ZNF362: variants seen among roughly 807,000 people sequenced by gnomAD.
ZNF362 encodes zinc finger protein 362.
In ZNF362, 11 loss-of-function variants were observed where a neutral mutation model predicts 42.9. The ratio of observed to expected loss-of-function variants is 0.26; its 90% confidence interval spans 0.16 to 0.42. The LOEUF is 0.42. Among genes scored for constraint, ZNF362 ranks in the 20% least tolerant of loss-of-function variants. The probability of loss-of-function intolerance (pLI) is 1.00; values close to 1 mark genes in which losing one functional copy is unlikely to be tolerated. For missense variants in ZNF362, 362 were observed against 576.2 expected, an observed-to-expected ratio of 0.63 and a Z score of 3.81; for synonymous variants, 255 against 257.3, an observed-to-expected ratio of 0.99 and a Z score of 0.09.
chr1:33,276,000 C>T, intron 2 of ZNF362, 100 bp from the exon 3 acceptor site: 4 of 1,367,566 alleles, frequency 2.9e-6, no homozygotes, highest in Non-Finnish European at 4.1e-6. Flanking sequence ...GACATGGATC[C>T]CAGACACTGG....
the ZNF362 span, among the ~76,000 whole-genome samples, chr1:33,189,573 A>G: frequency 6.9e-6 from 1 of 144,794 alleles, no homozygotes; most frequent in African/African-American, 2.5e-5. Context: ...TAGCGCCGCA[A>G]CCACACTTCT....
the ZNF362 span, chr1:33,158,407 G>A: frequency 2.1e-5 from 34 of 1,584,512 alleles, no homozygotes; most frequent in Middle Eastern, 1.7e-4. Flanking sequence ...ACCAGGGACT[G>A]GATTCCTGCC....
the ZNF362 span, among the ~76,000 whole-genome samples, chr1:33,155,113 C>T: frequency 1.4e-5 from 2 of 145,094 alleles, no homozygotes; most frequent in East Asian, 2.2e-4. Context: ...GCTCTGTCGC[C>T]CAGGCTGTAG....
chr1:33,255,884 G>A (rs1012683794), upstream of ZNF362, among the ~76,000 whole-genome samples: 1 of 152,012 alleles, frequency 6.6e-6, no homozygotes, highest in African/African-American at 2.4e-5. Flanking sequence ...GGGCAGCCTG[G>A]CACCGCGCGG....
the ZNF362 span, among the ~76,000 whole-genome samples, chr1:33,189,776 T>A: frequency 1.3e-5 from 2 of 148,158 alleles, no homozygotes; most frequent in African/African-American, 5.0e-5. Flanking sequence ...CTGCTTTGGG[T>A]GACCCTCACC....
chr1:33,273,384 G>A (rs915633119), intron 2 of ZNF362, among the ~76,000 whole-genome samples: 15 of 152,246 alleles, frequency 9.9e-5, no homozygotes, highest in African/African-American at 3.4e-4. Flanking sequence ...TGCCTGACCA[G>A]GGGTCTGATA....
At chr1:33,175,682 G>T in the ZNF362 span, among the ~76,000 whole-genome samples, 66 of 152,260 alleles carry the variant, frequency 4.3e-4, no homozygotes, top group East Asian at 7.5e-3. Flanking sequence ...ATCTTGGGAA[G>T]GTTACTGAAT....
the ZNF362 span, among the ~76,000 whole-genome samples, chr1:33,218,613 A>G: frequency 6.6e-6 from 1 of 152,116 alleles, no homozygotes; most frequent in Non-Finnish European, 1.5e-5. Flanking sequence ...TTATTTGGTT[A>G]TTAGTGAAAT....
chr1:33,215,448 C>T, the ZNF362 span, among the ~76,000 whole-genome samples: 38 of 152,118 alleles, frequency 2.5e-4, no homozygotes, highest in African/African-American at 8.4e-4. Flanking sequence ...TATTTGATAG[C>T]ACAACAGAGT....
rs369076583 is a variant in ZNF362 at position 33,280,333 on chromosome 1, C to A, written c.559C>A (p.Pro187Thr). Residue 187 changes from proline (P) to threonine (T), a missense_variant, in exon 5 of 9, where the codon CCC (proline) becomes ACC (threonine). Physicochemically the swap from Pro to Thr is conservative, Grantham distance 38. Coordinates refer to ENST00000539719, the MANE Select transcript of ZNF362 (RefSeq NM_152493.3). The surrounding 1 kb of genome is among the most constrained non-coding windows in gnomAD (Gnocchi z 5.6). ...AATCCAGGGCCACGGCCTGCTTGGC[C>A]CCCCCAAGTCCGAACGCGGCCGCAA... ...KTIQGHGLLGPPKSERGRKKI... is the reference protein window; with the variant it reads ...KTIQGHGLLGTPKSERGRKKI... 1.5e-5 allele frequency: 25 copies of A among 1,613,932 alleles called. No individual in the cohort carries two copies. The highest frequency in any genetic ancestry group is 4.0e-5 in the African/African-American group (3 of 74,922).
the ZNF362 span, among the ~76,000 whole-genome samples, chr1:33,247,614 A>C: frequency 6.6e-6 from 1 of 152,242 alleles, no homozygotes; most frequent in Non-Finnish European, 1.5e-5. Flanking sequence ...TTATTTAATT[A>C]CTGCAAATGG....
At chr1:33,231,522 C>A in the ZNF362 span, among the ~76,000 whole-genome samples, 7 of 152,138 alleles carry the variant, frequency 4.6e-5, no homozygotes, top group Non-Finnish European at 8.8e-5. Flanking sequence ...AATCCACAGT[C>A]CCCGATCTCC....
chr1:33,214,398 G>A, the ZNF362 span, among the ~76,000 whole-genome samples: 2 of 152,158 alleles, frequency 1.3e-5, no homozygotes, highest in African/African-American at 4.8e-5. Flanking sequence ...ACTACTAAAA[G>A]GAAACATTGG....
chr1:33,215,898 A>G, the ZNF362 span, among the ~76,000 whole-genome samples: 1,068 of 151,684 alleles, frequency 7.0e-3, 3 homozygotes, highest in Middle Eastern at 0.02. Context: ...TGTATAACAA[A>G]CATGGTTTGA....
the ZNF362 span, chr1:33,165,708 C>T: frequency 1.8e-5 from 11 of 610,662 alleles, no homozygotes; most frequent in Non-Finnish European, 2.7e-5. The surrounding 1 kb of genome is among the most constrained non-coding windows in gnomAD (Gnocchi z 4.0). Flanking sequence ...GTTCAACCAC[C>T]AGCAAGTCCT....
chr1:33,173,480 G>A, the ZNF362 span, among the ~76,000 whole-genome samples: 14 of 152,180 alleles, frequency 9.2e-5, no homozygotes, highest in African/African-American at 3.4e-4. Context: ...AGCATTCAAA[G>A]CCCTTCCTGA....
At chr1:33,240,950 C>A in the ZNF362 span, among the ~76,000 whole-genome samples, 1 of 152,168 alleles carries the variant, frequency 6.6e-6, no homozygotes, top group Non-Finnish European at 1.5e-5. Flanking sequence ...GACTTTCCCA[C>A]GCAAAATGAT....
At chr1:33,214,338 A>G in the ZNF362 span, among the ~76,000 whole-genome samples, 1 of 152,220 alleles carries the variant, frequency 6.6e-6, no homozygotes, top group South Asian at 2.1e-4. Context: ...CATATACAAT[A>G]ATCAAGTAAG....
At chr1:33,226,846 T>C in the ZNF362 span, among the ~76,000 whole-genome samples, 1 of 152,172 alleles carries the variant, frequency 6.6e-6, no homozygotes, top group Non-Finnish European at 1.5e-5. Flanking sequence ...GCCTGGGCCA[T>C]AGACTGAGAC....
Sources: gnomAD v4.1 joint callset for allele counts (sites outside exome capture counted in the v4.1 genomes callset) on GRCh38, gnomAD v4.1.1 for gene constraint, Gnocchi (gnomAD v3.1) non-coding constraint, MANE v1.5 for transcripts, NCBI Gene and HGNC (gene_info 2026-07-23, HGNC 2026-07-21) for gene names.